CCDC69: variants seen among roughly 807,000 people sequenced by gnomAD.
The protein encoded by CCDC69 is coiled-coil domain-containing protein 69.
Under a neutral mutation model 40.3 loss-of-function variants are expected in CCDC69, and 38 were observed. The ratio of observed to expected loss-of-function variants is 0.94; its 90% CI spans 0.73 to 1.24. CCDC69 has a LOEUF of 1.24. Ranked by LOEUF, CCDC69 falls within the 50% of genes most tolerant of loss-of-function variation. CCDC69 has a pLI of 0.00. For missense variants in CCDC69, 389 were observed against 357.9 expected (o/e 1.09, Z -0.70); for synonymous variants, 141 against 138.9 (o/e 1.02, Z -0.11).
chr5:151,203,300 A>G (rs1752801362), intron 2 of CCDC69, among the ~76,000 whole-genome samples: 1 of 151,954 alleles, frequency 6.6e-6, no homozygotes, highest in Non-Finnish European at 1.5e-5. Flanking sequence ...ACTTAAGGTC[A>G]GGAGTTCGAG....
intron 2 of CCDC69, among the ~76,000 whole-genome samples, chr5:151,202,526 T>C (rs1752790140): frequency 6.6e-6 from 1 of 152,224 alleles, no homozygotes; most frequent in Non-Finnish European, 1.5e-5. Context: ...CTGCCTCCTC[T>C]TTGGCCGGCC....
intron 1 of CCDC69, chr5:151,211,060 C>G (rs1486583678): frequency 1.3e-5 from 2 of 152,346 alleles, no homozygotes; most frequent in East Asian, 3.9e-4. Context: ...TAGGTCAAAA[C>G]CCAACTAAAA....
intron 7 of CCDC69, 43 bp from the exon 8 acceptor site, chr5:151,184,484 C>A: frequency 7.6e-7 from 1 of 1,308,166 alleles, no homozygotes; most frequent in Non-Finnish European, 1.1e-6. Context: ...CAAACTCACG[C>A]TGCACGATGT....
intron 4 of CCDC69, among the ~76,000 whole-genome samples, chr5:151,197,543 CA>C (rs202175595): frequency 6.6e-6 from 1 of 151,178 alleles, no homozygotes; most frequent in Non-Finnish European, 1.5e-5. Flanking sequence ...ACAAACAAAA[CA>C]AAAAAAACAA....
intron 1 of CCDC69, among the ~76,000 whole-genome samples, chr5:151,208,455 T>A (rs1752884123): frequency 6.6e-6 from 1 of 152,238 alleles, no homozygotes; most frequent in Admixed American, 6.5e-5. Context: ...GAGCCTGGCA[T>A]GTGTAAGCCC....
intron 1 of CCDC69, 71 bp downstream of exon 1, chr5:151,223,852 G>C (rs1481486309): frequency 3.4e-6 from 5 of 1,478,618 alleles, no homozygotes; most frequent in Non-Finnish European, 4.6e-6. Flanking sequence ...GGGGCGCCGA[G>C]TCCTCTGCGG....
At chr5:151,211,137 A>G (rs1400079261) in intron 1 of CCDC69, 1 of 152,192 alleles carries the variant, frequency 6.6e-6, no homozygotes, top group Non-Finnish European at 1.5e-5. Flanking sequence ...GACATCTTAC[A>G]TGCTCAAGAC....
intron 1 of CCDC69, chr5:151,210,825 A>T: frequency 6.6e-6 from 1 of 151,926 alleles, no homozygotes; most frequent in Non-Finnish European, 1.5e-5. Flanking sequence ...AAAATTAGCC[A>T]GGTGTGGTGG....
At chr5:151,202,623 C>G (rs1752791106) in intron 2 of CCDC69, among the ~76,000 whole-genome samples, 1 of 152,190 alleles carries the variant, frequency 6.6e-6, no homozygotes, top group African/African-American at 2.4e-5. Flanking sequence ...TTTGCTTTAC[C>G]TGCTGGGGCC....
intron 4 of CCDC69, among the ~76,000 whole-genome samples, chr5:151,193,341 A>AC (rs1491569638): frequency 1.1e-5 from 1 of 95,220 alleles, no homozygotes; most frequent in African/African-American, 5.0e-5. Flanking sequence ...ACTCATTTCT[A>AC]CAAAAAAAAA....
intron 2 of CCDC69, among the ~76,000 whole-genome samples, chr5:151,202,655 C>A (rs772621526): frequency 6.6e-6 from 1 of 152,152 alleles, no homozygotes; most frequent in Non-Finnish European, 1.5e-5. Flanking sequence ...GAGTTTGTGG[C>A]CCCTCACCTT....
intron 1 of CCDC69, among the ~76,000 whole-genome samples, chr5:151,218,382 G>C (rs1329098818): frequency 6.6e-6 from 1 of 152,198 alleles, no homozygotes; most frequent in African/African-American, 2.4e-5. Context: ...TGCTGAGGGA[G>C]GATGATGCAG....
intron 4 of CCDC69, among the ~76,000 whole-genome samples, chr5:151,194,903 A>AAG (rs1309039277): frequency 1.3e-5 from 2 of 151,584 alleles, no homozygotes; most frequent in African/African-American, 4.8e-5. Context: ...AAAAAAAAAA[A>AAG]AAAAAAAAGA....
chr5:151,205,571 G>A, intron 1 of CCDC69, 96 bp from the exon 2 acceptor site: 1 of 1,022,188 alleles, frequency 9.8e-7, no homozygotes, highest in South Asian at 1.3e-5. Flanking sequence ...AGGCAAGGCA[G>A]GACCTTCAGT....
intron 1 of CCDC69, among the ~76,000 whole-genome samples, chr5:151,221,536 T>C (rs1311102141): frequency 6.6e-6 from 1 of 152,242 alleles, no homozygotes; most frequent in Non-Finnish European, 1.5e-5. Flanking sequence ...ACCTGCTCCA[T>C]GATCTGTATA....
At chr5:151,195,999 C>T (rs548897279) in intron 4 of CCDC69, among the ~76,000 whole-genome samples, 2 of 152,204 alleles carry the variant, frequency 1.3e-5, no homozygotes, top group South Asian at 4.1e-4. Flanking sequence ...TCTAGACTCA[C>T]AAGAAATAAG....
chr5:151,211,227 A>C (rs11748107), intron 1 of CCDC69: 50,546 of 151,962 alleles, frequency 0.33, 8,723 homozygotes, highest in Middle Eastern at 0.47. Context: ...TTCTCTCCTG[A>C]CCTGCCCTGG....
rs1766632073 is a variant in CCDC69, at chr5:151,181,702, G to A, written c.*1735C>T. ...GAGAAGTCATTCAGGTCACTGATCTGTTTAGGTGTCCCCAAATAACTTGGC... is the reference window on the plus strand; with the variant it reads ...GAGAAGTCATTCAGGTCACTGATCTATTTAGGTGTCCCCAAATAACTTGGC... On this transcript the variant is annotated 3_prime_UTR_variant, in exon 9 of 9. Coordinates refer to ENST00000355417, the MANE Select transcript of CCDC69 (RefSeq NM_015621.3). The A allele has an allele frequency of 6.6e-6, 1 of 152,248 alleles. No individual in the cohort carries two copies. The highest frequency in any genetic ancestry group is 6.5e-5 in the Admixed American group (1 of 15,282). The allele number at this position is 152,248 out of a possible 1,614,324, so 9.4% of individuals were successfully genotyped here.
chr5:151,223,709 C>G (rs771121437), intron 1 of CCDC69, among the ~76,000 whole-genome samples: 3 of 152,180 alleles, frequency 2.0e-5, no homozygotes, highest in Non-Finnish European at 2.9e-5. Flanking sequence ...GCCCGGGTGC[C>G]GTGTTTGTAA....
Sources: gnomAD v4.1 joint callset for allele counts (sites outside exome capture counted in the v4.1 genomes callset) on GRCh38, gnomAD v4.1.1 for gene constraint, MANE v1.5 for transcripts, NCBI Gene and HGNC (gene_info 2026-07-23, HGNC 2026-07-21) for gene names.